SMOC2: variants seen among roughly 807,000 people sequenced by gnomAD.
SMOC2 encodes SPARC-related modular calcium-binding protein 2.
SMOC2 carries 39 observed loss-of-function variants against 61.4 expected under a neutral mutation model. That is an observed-to-expected ratio of 0.64 (90% confidence interval 0.49 to 0.83). The LOEUF (loss-of-function observed/expected upper bound fraction) is 0.83, where lower values mean the gene tolerates loss of function less well. Ranked by LOEUF, SMOC2 falls within the 40% of genes least tolerant of loss-of-function variation. The pLI, the probability that SMOC2 is intolerant of heterozygous loss-of-function variation, is 0.00. For missense variants in SMOC2, 556 were observed against 592.9 expected, an observed-to-expected ratio of 0.94 and a Z score of 0.65; for synonymous variants, 247 against 239.9, an observed-to-expected ratio of 1.03 and a Z score of -0.27.
intron 7 of SMOC2, 91 bp from the exon 8 acceptor site, chr6:168,598,727 T>A: frequency 7.0e-7 from 1 of 1,434,490 alleles, no homozygotes; most frequent in Non-Finnish European, 9.7e-7. Flanking sequence ...ACCACATCGT[T>A]CTTGGCAGTT....
At chr6:168,625,567 G>T (rs1786384933) in intron 9 of SMOC2, among the ~76,000 whole-genome samples, 1 of 152,166 alleles carries the variant, frequency 6.6e-6, no homozygotes, top group East Asian at 1.9e-4. Flanking sequence ...AAACTAAATA[G>T]CATAGGCTCA....
chr6:168,501,450 A>G (rs530152312), intron 1 of SMOC2, among the ~76,000 whole-genome samples: 1 of 151,674 alleles, frequency 6.6e-6, no homozygotes, highest in Non-Finnish European at 1.5e-5. Context: ...ATCCCTCGCT[A>G]TGGGGCCAGG....
At chr6:168,627,299 T>C (rs1583171168) in intron 9 of SMOC2, among the ~76,000 whole-genome samples, 1 of 152,336 alleles carries the variant, frequency 6.6e-6, no homozygotes, top group East Asian at 1.9e-4. Context: ...TGATATTGTT[T>C]GTTGAGATTT....
At chr6:168,599,523 T>C (rs1394038139) in intron 8 of SMOC2, among the ~76,000 whole-genome samples, 4 of 14,382 alleles carry the variant, frequency 2.8e-4, no homozygotes, top group Non-Finnish European at 5.1e-4. Flanking sequence ...CACACACTCA[T>C]ACCCCCACAC....
intron 12 of SMOC2, 50 bp downstream of exon 12, chr6:168,664,161 A>G (rs1353259073): frequency 6.9e-7 from 1 of 1,439,112 alleles, no homozygotes; most frequent in Admixed American, 1.7e-5. Flanking sequence ...TAAATTATAA[A>G]CAATAAAAAT....
At chr6:168,517,587 G>C (rs972470718) in intron 2 of SMOC2, among the ~76,000 whole-genome samples, 2 of 152,350 alleles carry the variant, frequency 1.3e-5, no homozygotes, top group Non-Finnish European at 2.9e-5. Context: ...CCGGAGCCAC[G>C]GGTGTCTCAC....
intron 7 of SMOC2, among the ~76,000 whole-genome samples, chr6:168,558,918 T>C (rs1163872333): frequency 6.6e-6 from 1 of 151,800 alleles, no homozygotes; most frequent in African/African-American, 2.4e-5. Flanking sequence ...TGTGTATGTG[T>C]GCTTGTGCGC....
chr6:168,549,610 G>T (rs1235164974), intron 7 of SMOC2, among the ~76,000 whole-genome samples: 2 of 152,140 alleles, frequency 1.3e-5, no homozygotes, highest in Non-Finnish European at 2.9e-5. Context: ...AGGAAGAGGA[G>T]GAGGGGCTGG....
chr6:168,658,977 T>TG (rs1787401068), intron 11 of SMOC2, among the ~76,000 whole-genome samples: 1 of 149,684 alleles, frequency 6.7e-6, no homozygotes, highest in South Asian at 2.1e-4. Context: ...TGTGTGTGTA[T>TG]GGTGTGTGTG....
At chr6:168,541,997 C>A (rs1426443035) in intron 4 of SMOC2, among the ~76,000 whole-genome samples, 1 of 152,184 alleles carries the variant, frequency 6.6e-6, no homozygotes, top group Non-Finnish European at 1.5e-5. Flanking sequence ...GAAACTCTCT[C>A]ATGAAAGATA....
chr6:168,537,967 G>T (rs918688469), intron 4 of SMOC2, among the ~76,000 whole-genome samples: 4 of 152,152 alleles, frequency 2.6e-5, no homozygotes, highest in Non-Finnish European at 5.9e-5. Flanking sequence ...TCTGGGGAGT[G>T]GGGTGAGCTC....
At chr6:168,648,848 C>T (rs567491341) in intron 9 of SMOC2, among the ~76,000 whole-genome samples, 21 of 152,312 alleles carry the variant, frequency 1.4e-4, no homozygotes, top group African/African-American at 5.1e-4. Context: ...ACACAAAACT[C>T]CAGTGTCAAA....
At chr6:168,577,813 A>G (rs1784842570) in intron 7 of SMOC2, among the ~76,000 whole-genome samples, 1 of 152,170 alleles carries the variant, frequency 6.6e-6, no homozygotes. Context: ...TGGGGCCTGG[A>G]GGTGGCCACT....
At chr6:168,600,182 GA>G (rs1339112900) in intron 8 of SMOC2, among the ~76,000 whole-genome samples, 1 of 152,068 alleles carries the variant, frequency 6.6e-6, no homozygotes, top group Admixed American at 6.6e-5. Flanking sequence ...GAGGCGGGTG[GA>G]TCACCTGAGG....
chr6:168,635,627 T>C (rs1231899745), intron 9 of SMOC2, among the ~76,000 whole-genome samples: 1 of 152,152 alleles, frequency 6.6e-6, no homozygotes, highest in Non-Finnish European at 1.5e-5. Flanking sequence ...TCCCAGCATT[T>C]TGGGAGGCCG....
At chr6:168,560,571 CATTCTTGGAGGAG>C (rs1784391577) in intron 7 of SMOC2, among the ~76,000 whole-genome samples, 1 of 66,682 alleles carries the variant, frequency 1.5e-5, no homozygotes, top group South Asian at 6.9e-4. Context: ...GCTCTCACTG[CATTCTTGGAGGAG>C]GTGTCATTTT....
chr6:168,480,263 A>G (rs906395035), intron 1 of SMOC2, among the ~76,000 whole-genome samples: 2 of 152,178 alleles, frequency 1.3e-5, no homozygotes, highest in African/African-American at 4.8e-5. Flanking sequence ...AAGAAAATGA[A>G]TCAACAGAAA....
At chr6:168,489,242 T>C (rs1185452645) in intron 1 of SMOC2, among the ~76,000 whole-genome samples, 6 of 145,000 alleles carry the variant, frequency 4.1e-5, no homozygotes, top group Non-Finnish European at 7.6e-5. Context: ...GGATCACAGT[T>C]TTAGAGTGAA....
chr6:168,606,719 C>T (rs184723339), intron 8 of SMOC2, among the ~76,000 whole-genome samples: 9 of 152,268 alleles, frequency 5.9e-5, no homozygotes, highest in Non-Finnish European at 1.0e-4. Context: ...ACTGGCGGAA[C>T]GCTGGCCTCC....
Sources: allele counts gnomAD v4.1 joint callset (sites outside exome capture counted in the v4.1 genomes callset), GRCh38; gene constraint gnomAD v4.1.1; transcripts MANE v1.5; gene names NCBI Gene and HGNC (gene_info 2026-07-23, HGNC 2026-07-21).